The following PIWIL2 variants were observed in gnomAD, a reference collection of about 807,000 sequenced individuals.
The protein encoded by PIWIL2 is piwi like RNA-mediated gene silencing 2.
In PIWIL2, 81 loss-of-function variants were observed where a neutral mutation model predicts 116.5. The ratio of observed to expected loss-of-function variants is 0.70; its 90% confidence interval spans 0.58 to 0.84. PIWIL2 has a LOEUF of 0.84. PIWIL2 is among the 40% of genes least tolerant of loss of function. The pLI is 0.00. For synonymous variants in PIWIL2, 489 were observed against 429.5 expected (o/e 1.14, Z -1.71); for missense variants, 1,272 against 1,212.3 (o/e 1.05, Z -0.73).
chr8:22,338,826 T>A (rs1832040683), intron 20 of PIWIL2, among the ~76,000 whole-genome samples: 1 of 152,224 alleles, frequency 6.6e-6, no homozygotes, highest in African/African-American at 2.4e-5. Context: ...AGTAACATTT[T>A]TTTTTGCAGG....
At position 22,281,454 on chromosome 8, in the gene PIWIL2, G is replaced by A; in HGVS notation, c.364G>A (p.Asp122Asn). 2 of 1,604,544 alleles carry A rather than the reference G, an allele frequency of 1.2e-6. 1 individual carries two copies. Among genetic ancestry groups the A allele is most frequent in the Non-Finnish European group, 1.7e-6 (2 of 1,177,990 alleles). Residue 122 changes from aspartate to asparagine, a missense_variant, in exon 4 of 23, where the codon GAT becomes AAT. Asp to Asn is a conservative substitution (Grantham distance 23). Transcript: ENST00000356766. ...GGAGGAACTCTCTCCCACTTTTTGG[G>A]ATCCAAAAGTGTTGGCGGCTGGGGA... The part of the protein sequence containing the change: ...DREELSPTFW[D>N]PKVLAAGDSK...
At chr8:22,305,876 A>G (rs1269387616) in intron 12 of PIWIL2, 51 bp from the exon 13 acceptor site, 3 of 1,326,906 alleles carry the variant, frequency 2.3e-6, no homozygotes, top group Non-Finnish European at 3.3e-6. Context: ...ATGGTCGGGA[A>G]CATGAGCCTC....
chr8:22,332,657 G>A (rs1831888287), intron 20 of PIWIL2, among the ~76,000 whole-genome samples: 1 of 152,028 alleles, frequency 6.6e-6, no homozygotes, highest in South Asian at 2.1e-4. Flanking sequence ...AAAATAAACA[G>A]CGTAAGCCAC....
At chr8:22,351,526 T>G (rs1157555629) in intron 20 of PIWIL2, among the ~76,000 whole-genome samples, 14 of 126,320 alleles carry the variant, frequency 1.1e-4, no homozygotes, top group African/African-American at 2.0e-4. Context: ...TTTTTTGGTG[T>G]TTTTTTTTTG....
chr8:22,284,233 G>A lies in PIWIL2; in HGVS notation c.704G>A (p.Cys235Tyr). 6.2e-7 allele frequency: 1 copy of A among 1,603,834 alleles called. No individual in the cohort carries two copies. The highest frequency in any genetic ancestry group is 8.5e-7 in the Non-Finnish European group (1 of 1,173,980). ...SLGLNLVKIQ[C>Y]HNEAVYQYHV... ...GGACTGAACCTCGTCAAAATACAGT[G>A]TCATAATGAAGCAGTTTATCAATAT... The change falls in exon 6 of 23, where the codon TGT becomes TAT. Residue 235 changes from cysteine (C) to tyrosine (Y), a missense_variant. Coordinates refer to ENST00000356766, the MANE Select transcript of PIWIL2 (RefSeq NM_018068.5).
chr8:22,349,578 C>G (rs1373699521), intron 20 of PIWIL2, among the ~76,000 whole-genome samples: 4 of 152,030 alleles, frequency 2.6e-5, no homozygotes, highest in Admixed American at 1.3e-4. Flanking sequence ...AGTCCCAGGT[C>G]TCCTGACCCC....
rs906774390 is a variant in PIWIL2 at position 22,309,195 on chromosome 8, C to T, written c.1687-766C>T. On this transcript the variant is annotated intron_variant, in intron 14 of 22. Transcript: ENST00000356766. ...CAGGCTGGTCTTGAACTCCTGACCT[C>T]GTGATCCACCCGCCTTGGCCTCCCA... is the stretch of plus-strand genomic sequence containing the variant. 3.3e-5 allele frequency among the ~76,000 whole-genome samples: 5 copies of T among 151,666 alleles called. No homozygotes were observed. The East Asian group carries it at 7.8e-4, about 24-fold the overall frequency.
At chr8:22,295,040 G>T (rs570933551) in intron 10 of PIWIL2, among the ~76,000 whole-genome samples, 2 of 152,042 alleles carry the variant, frequency 1.3e-5, no homozygotes, top group East Asian at 3.9e-4. Flanking sequence ...GATCGTGCCA[G>T]TGTACTCTAG....
chr8:22,309,936 C>T, intron 14 of PIWIL2, 25 bp from the exon 15 acceptor site: 2 of 1,382,882 alleles, frequency 1.4e-6, no homozygotes, highest in African/African-American at 1.4e-5. Flanking sequence ...AGGCTCATGT[C>T]ATAGATGGTT....
Position 22,338,857 on chromosome 8 carries a change from A to G in PIWIL2, c.2404-14102A>G, listed in dbSNP as rs1404259163. On this transcript the variant is annotated intron_variant, in intron 20 of 22. Coordinates refer to ENST00000356766, the MANE Select transcript of PIWIL2 (RefSeq NM_018068.5). ...GCAGGAGTGGATAAGCAGATACTCA[A>G]ATTCATATGGAAATGCAAAAACATA... Among the ~76,000 whole-genome samples the G allele has an allele frequency of 2.0e-5, 3 of 152,228 alleles. No homozygotes were observed. In the East Asian group the frequency reaches 5.8e-4, roughly 29 times the overall value.
chr8:22,293,268 TA>T (rs1296394565), intron 10 of PIWIL2, among the ~76,000 whole-genome samples: 1 of 151,946 alleles, frequency 6.6e-6, no homozygotes, highest in African/African-American at 2.4e-5. Flanking sequence ...ATGGTAGTGC[TA>T]CTGTACTCCA....
chr8:22,332,801 T>C (rs183790037), intron 20 of PIWIL2, among the ~76,000 whole-genome samples: 1 of 152,220 alleles, frequency 6.6e-6, no homozygotes, highest in East Asian at 1.9e-4. Context: ...AAAAATAGAC[T>C]GTCACCAGCT....
At chr8:22,347,438 C>CA (rs1563430182) in intron 20 of PIWIL2, among the ~76,000 whole-genome samples, 1 of 150,768 alleles carries the variant, frequency 6.6e-6, no homozygotes, top group African/African-American at 2.4e-5. Flanking sequence ...AGGATGGTCT[C>CA]AATCTCCTGA....
chr8:22,286,989 G>A (rs1830643164), intron 6 of PIWIL2, among the ~76,000 whole-genome samples: 2 of 151,932 alleles, frequency 1.3e-5, no homozygotes, highest in Non-Finnish European at 1.5e-5. Flanking sequence ...GGGGACTGAG[G>A]CAGAAGGATC....
chr8:22,332,401 G>A lies in PIWIL2; in HGVS notation c.2403+14126G>A, dbSNP rs1459906542. On this transcript the variant is annotated intron_variant, in intron 20 of 22. Coordinates refer to ENST00000356766, the MANE Select transcript of PIWIL2 (RefSeq NM_018068.5). ...GTACATAAGAAGTGGCTCAGAAGGA[G>A]GTTAAAGAAGGCAGAAACATCTGAA... 2.6e-5 allele frequency among the ~76,000 whole-genome samples: 4 copies of A among 151,998 alleles called. No homozygotes were observed. In the East Asian group the frequency reaches 7.7e-4, roughly 29 times the overall value.
chr8:22,296,788 C>T (rs979717656), intron 10 of PIWIL2, among the ~76,000 whole-genome samples: 2 of 152,140 alleles, frequency 1.3e-5, no homozygotes, highest in Admixed American at 6.6e-5. Flanking sequence ...GCATCCCTCA[C>T]TATTCTATAT....
chr8:22,335,591 A>G (rs1193858301), intron 20 of PIWIL2, among the ~76,000 whole-genome samples: 2 of 133,078 alleles, frequency 1.5e-5, no homozygotes, highest in African/African-American at 5.8e-5. Context: ...TCTGTTGCTC[A>G]GGCTGGAGTG....
At chr8:22,277,167 A>C (rs560413410) in intron 1 of PIWIL2, among the ~76,000 whole-genome samples, 1 of 152,246 alleles carries the variant, frequency 6.6e-6, no homozygotes, top group South Asian at 2.1e-4. Flanking sequence ...GATTACAGGC[A>C]TGCACCACCA....
intron 22 of PIWIL2, 61 bp downstream of exon 22, chr8:22,354,439 A>T (rs1832445342): frequency 9.7e-7 from 1 of 1,027,270 alleles, no homozygotes; most frequent in African/African-American, 1.6e-5. Context: ...GCTAGCTAAG[A>T]TGGGCTCACT....
Sources: allele counts gnomAD v4.1 joint callset (sites outside exome capture counted in the v4.1 genomes callset), GRCh38; gene constraint gnomAD v4.1.1; transcripts MANE v1.5; gene names NCBI Gene and HGNC (gene_info 2026-07-23, HGNC 2026-07-21).